The following DCP1A variants were observed in gnomAD, a reference collection of about 807,000 sequenced individuals.
DCP1A encodes decapping mRNA 1A.
In DCP1A, 20 loss-of-function variants were observed where a neutral mutation model predicts 58.0. The observed-to-expected ratio is 0.34, with a 90% CI of 0.24 to 0.50. DCP1A has a LOEUF of 0.50. DCP1A is among the 20% of genes least tolerant of loss of function. The pLI is 0.98. For synonymous variants in DCP1A, 285 were observed against 275.1 expected (o/e 1.04, Z -0.36); for missense variants, 613 against 712.2 (o/e 0.86, Z 1.59).
intron 3 of DCP1A, among the ~76,000 whole-genome samples, chr3:53,322,193 C>T (rs1707987085): frequency 6.6e-6 from 1 of 152,132 alleles, no homozygotes; most frequent in African/African-American, 2.4e-5. Context: ...TGGCTCATGC[C>T]TGTAATCCTG....
intron 6 of DCP1A, among the ~76,000 whole-genome samples, chr3:53,301,979 G>A (rs1457211852): frequency 6.6e-6 from 1 of 152,186 alleles, no homozygotes; most frequent in Non-Finnish European, 1.5e-5. Flanking sequence ...TAGACGCAGA[G>A]GCAGAATAGG....
chr3:53,295,032 A>G (rs782285285), intron 6 of DCP1A, among the ~76,000 whole-genome samples: 1 of 152,150 alleles, frequency 6.6e-6, no homozygotes, highest in Non-Finnish European at 1.5e-5. Context: ...GGAAGTCAGT[A>G]TGAGGAGAGG....
chr3:53,285,564 C>T lies in DCP1A; in HGVS notation c.*2016G>A, dbSNP rs1417389904. The T allele has an allele frequency of 6.6e-6, 1 of 152,202 alleles. No individual in the cohort carries two copies. Among genetic ancestry groups the T allele is most frequent in the Non-Finnish European group, 1.5e-5 (1 of 68,042 alleles). The allele number at this position is 152,202 out of a possible 1,614,324, so 9.4% of individuals were successfully genotyped here. On this transcript the variant is annotated 3_prime_UTR_variant, in exon 10 of 10. Transcript: ENST00000610213. ...CACTAAGGAAGCCTTATCATAGATG[C>T]TCTTTACTGTCTATCATATCCATTC... is the stretch of plus-strand genomic sequence containing the variant.
At chr3:53,309,330 CACTGCACTGTAGCCTGGCA>C (rs1559690593) in intron 5 of DCP1A, among the ~76,000 whole-genome samples, 1 of 148,862 alleles carries the variant, frequency 6.7e-6, no homozygotes, top group Non-Finnish European at 1.5e-5. Context: ...GAGATCGCGC[CACTGCACTGTAGCCTGGCA>C]ACAGAGCGAG....
At position 53,288,051 on chromosome 3, in the gene DCP1A, G is replaced by C. The variant is rs782283971; in HGVS notation, c.1668+14C>G. ...ATAATGAAAAATCAAAGATAAAATT[G>C]GTATCCTACATACCTTTATTAGATG... On this transcript the variant is annotated intron_variant, in intron 9 of 9. Transcript: ENST00000610213. The C allele has an allele frequency of 7.6e-6, 12 of 1,575,444 alleles. No individual in the cohort carries two copies. The South Asian group carries it at 1.3e-4, about 17-fold the overall frequency.
chr3:53,298,658 C>T (rs578080403), intron 6 of DCP1A, among the ~76,000 whole-genome samples: 1 of 152,320 alleles, frequency 6.6e-6, no homozygotes, highest in Non-Finnish European at 1.5e-5. Flanking sequence ...ATGGAGATGT[C>T]AATTCAGCAA....
rs1553685398 is a variant in DCP1A at position 53,288,083 on chromosome 3, T to C, written c.1650A>G (p.Thr550=). 3 of 1,613,774 alleles carry C rather than the reference T, an allele frequency of 1.9e-6. No individual in the cohort carries two copies. Among genetic ancestry groups the C allele is most frequent in the East Asian group, 4.5e-5 (2 of 44,892 alleles). ...TACATACCTTTATTAGATGTATTAA[T>C]GTATCCTGGAGCTGAGACTTGCTGA... ...IILSKSQLQD[T]LIHLIKNDSS... is the part of the protein sequence containing the mutation. Residue 550 remains threonine, a synonymous_variant, in exon 9 of 10, where the codon ACA becomes ACG. Transcript: ENST00000610213.
chr3:53,323,415 A>C (rs1196926872), intron 3 of DCP1A, among the ~76,000 whole-genome samples: 1 of 152,212 alleles, frequency 6.6e-6, no homozygotes, highest in African/African-American at 2.4e-5. Context: ...AAGACTCCAT[A>C]TATGGCAATT....
In DCP1A at chr3:53,315,278, G is replaced by A. The variant is rs139222547; in HGVS notation, c.372-2899C>T. ...TCTGAGGCCGGGTGTGGTGGCTCACGCCTGTAATCCCAGCACTTTGGGAGG... is the reference window on the plus strand; with the variant it reads ...TCTGAGGCCGGGTGTGGTGGCTCACACCTGTAATCCCAGCACTTTGGGAGG... On this transcript the variant is annotated intron_variant, in intron 4 of 9. Coordinates refer to ENST00000610213, the MANE Select transcript of DCP1A (RefSeq NM_018403.7). Among the ~76,000 whole-genome samples the A allele has an allele frequency of 8.9e-3, 1,352 of 151,972 alleles. 10 individuals carry two copies. Among genetic ancestry groups the A allele is most frequent in the Non-Finnish European group, 0.012 (841 of 67,962 alleles).
intron 3 of DCP1A, among the ~76,000 whole-genome samples, chr3:53,335,093 G>A (rs2089087726): frequency 6.6e-6 from 1 of 151,294 alleles, no homozygotes; most frequent in African/African-American, 2.4e-5. Context: ...CTGGGTGTGT[G>A]TGTGTGTGTG....
chr3:53,339,108 T>C (rs913573693), intron 3 of DCP1A, among the ~76,000 whole-genome samples: 1 of 152,160 alleles, frequency 6.6e-6, no homozygotes, highest in South Asian at 2.1e-4. Flanking sequence ...GATACTAACT[T>C]TTTATTTAAA....
At chr3:53,312,085 G>T (rs573193450) in intron 5 of DCP1A, among the ~76,000 whole-genome samples, 156 bp downstream of exon 5, 1 of 151,588 alleles carries the variant, frequency 6.6e-6, no homozygotes, top group East Asian at 1.9e-4. Context: ...CAAGTAGCTG[G>T]GACTGATTAC....
chr3:53,288,054 A>G lies in DCP1A; in HGVS notation c.1668+11T>C, dbSNP rs372737171. 1.9e-6 allele frequency: 3 copies of G among 1,592,448 alleles called. No individual in the cohort carries two copies. In the African/African-American group the frequency reaches 4.0e-5, roughly 21 times the overall value. ...ATGAAAAATCAAAGATAAAATTGGT[A>G]TCCTACATACCTTTATTAGATGTAT... On this transcript the variant is annotated intron_variant, in intron 9 of 9. Transcript: ENST00000610213.
At chr3:53,319,682 A>G (rs895082481) in intron 3 of DCP1A, among the ~76,000 whole-genome samples, 3 of 152,256 alleles carry the variant, frequency 2.0e-5, no homozygotes, top group Admixed American at 6.5e-5. Flanking sequence ...AAGATTACAC[A>G]AAATAGTTTT....
rs376119309 is a variant in DCP1A at position 53,316,155 on chromosome 3, CATTT to C, written c.371+3248_371+3251del. Among the ~76,000 whole-genome samples, 347 of 152,210 alleles carry C rather than the reference CATTT, an allele frequency of 2.3e-3. 2 individuals are homozygous for C. Among genetic ancestry groups the C allele is most frequent in the African/African-American group, 8.2e-3 (340 of 41,542 alleles). ...TTAAAAGAATGGGCACTGATGGACA[CATTT>C]ATTTATATGTATAATATACTAACAA... is the stretch of plus-strand genomic sequence containing the variant. On this transcript the variant is annotated intron_variant, in intron 4 of 9. Coordinates refer to ENST00000610213, the MANE Select transcript of DCP1A (RefSeq NM_018403.7).
chr3:53,342,092 T>C lies in DCP1A; in HGVS notation c.304+52A>G, dbSNP rs111610660. 13,900 of 1,471,452 alleles carry C rather than the reference T, an allele frequency of 9.4e-3. 97 individuals are homozygous for C. Among genetic ancestry groups the C allele is most frequent in the Middle Eastern group, 0.031 (150 of 4,850 alleles). 91.1% of individuals were successfully genotyped at this position (1,471,452 alleles called of 1,614,324 possible). A position where few individuals can be genotyped will look rare whatever the true frequency, so the allele number is the denominator to read the frequency against. On this transcript the variant is annotated intron_variant, in intron 3 of 9. Coordinates refer to ENST00000610213, the MANE Select transcript of DCP1A (RefSeq NM_018403.7). ...TCCTAAATAATGGATTGATAGAAAC[T>C]AAAGTCACTCAATTTTAAATGTAAT...
chr3:53,293,545 A>C (rs1408355226), intron 6 of DCP1A, among the ~76,000 whole-genome samples: 1 of 152,168 alleles, frequency 6.6e-6, no homozygotes, highest in Non-Finnish European at 1.5e-5. Context: ...GGGAGTAACA[A>C]CAGTTCTCAC....
In DCP1A at chr3:53,287,636, G is replaced by C. The variant is rs1192962517; in HGVS notation, c.1693C>G (p.Leu565Val). The change falls in exon 10 of 10, where the codon CTT (leucine) becomes GTT (valine). Residue 565 changes from leucine (L) to valine (V), a missense_variant. Leu to Val is a conservative substitution (Grantham distance 32). Transcript: ENST00000610213. ...AGAACCTGCAAGTAGACTTCATGAAGTGTACTGAGGAAGCTGGAATCATTC... is the reference window on the plus strand; with the variant it reads ...AGAACCTGCAAGTAGACTTCATGAACTGTACTGAGGAAGCTGGAATCATTC... Reference protein sequence around the residue: ...IKNDSSFLSTLHEVYLQVLTK... With the variant: ...IKNDSSFLSTVHEVYLQVLTK... The C allele has an allele frequency of 3.1e-6, 5 of 1,611,842 alleles. No homozygotes were observed. Among genetic ancestry groups the C allele is most frequent in the African/African-American group, 1.3e-5 (1 of 74,834 alleles).
chr3:53,342,878 GACAC>G (rs1388817016), intron 2 of DCP1A, among the ~76,000 whole-genome samples: 1 of 152,168 alleles, frequency 6.6e-6, no homozygotes, highest in Non-Finnish European at 1.5e-5. Flanking sequence ...TCCCAAGATA[GACAC>G]ACAGTTGCTG....
Sources: gnomAD v4.1 joint callset for allele counts (sites outside exome capture counted in the v4.1 genomes callset) on GRCh38, gnomAD v4.1.1 for gene constraint, MANE v1.5 for transcripts, NCBI Gene and HGNC (gene_info 2026-07-23, HGNC 2026-07-21) for gene names.